Variants in DNAH14 observed in about 807,000 individuals in gnomAD.
DNAH14 encodes dynein axonemal heavy chain 14, also known as axonemal beta dynein heavy chain 14.
A neutral mutation model predicts 520.9 loss-of-function variants in DNAH14; 478 were observed. The observed-to-expected ratio is 0.92, with a 90% confidence interval of 0.85 to 0.99. The LOEUF (loss-of-function observed/expected upper bound fraction) is 0.99, where lower values mean the gene tolerates loss of function less well. Among genes scored for constraint, DNAH14 ranks in the 50% least tolerant of loss-of-function variants. The pLI, the probability that DNAH14 is intolerant of heterozygous loss-of-function variation, is 0.00. For synonymous variants in DNAH14, 1,581 were observed against 1,757.2 expected (o/e 0.90, Z 2.51); for missense variants, 4,831 against 5,234.5 (o/e 0.92, Z 2.38).
Position 225,080,671 on chromosome 1 carries a change from C to A in DNAH14, c.3059C>A (p.Ser1020Tyr), listed in dbSNP as rs916787521. ...KRASWEWRNS[S>Y]LQSIDVESVQ... ...GCCTCTTGGGAATGGAGGAATAGTT[C>A]TCTTCAAAGTATTGATGTAGAATCA... The change falls in exon 19 of 86, where the codon TCT becomes TAT. Residue 1020 changes from serine (S) to tyrosine (Y), a missense_variant. By Grantham distance (144) the Ser-to-Tyr change is moderately radical. Coordinates refer to ENST00000682510, the MANE Select transcript of DNAH14 (RefSeq NM_001367479.1). 2.8e-5 allele frequency: 43 copies of A among 1,551,540 alleles called. No homozygotes were observed. Among genetic ancestry groups the A allele is most frequent in the Non-Finnish European group, 3.4e-5 (39 of 1,146,900 alleles).
At chr1:225,094,672 A>C (rs562682157) in intron 21 of DNAH14, among the ~76,000 whole-genome samples, 243 of 100,896 alleles carry the variant, frequency 2.4e-3, no homozygotes, top group East Asian at 4.2e-3. Flanking sequence ...AAAAAAAAAA[A>C]AAAAAACAAC....
At chr1:225,345,706 A>T (rs920383423) in intron 69 of DNAH14, among the ~76,000 whole-genome samples, 3 of 152,224 alleles carry the variant, frequency 2.0e-5, no homozygotes, top group African/African-American at 4.8e-5. Flanking sequence ...CTGTAAAAAA[A>T]ATAGGATCCA....
intron 8 of DNAH14, among the ~76,000 whole-genome samples, chr1:224,989,633 A>G (rs1013410199): frequency 6.6e-6 from 1 of 152,156 alleles, no homozygotes; most frequent in Non-Finnish European, 1.5e-5. Flanking sequence ...GACATTGTTG[A>G]CTTTTTCCCT....
chr1:225,334,488 C>A (rs768408821), intron 66 of DNAH14, among the ~76,000 whole-genome samples: 10 of 151,186 alleles, frequency 6.6e-5, no homozygotes, highest in Non-Finnish European at 1.5e-4. Context: ...TGAGAGAAGA[C>A]CCTGTCTCTA....
At chr1:225,231,189 C>T (rs768381120) in intron 42 of DNAH14, 38 bp downstream of exon 42, 8 of 1,402,724 alleles carry the variant, frequency 5.7e-6, no homozygotes, top group Non-Finnish European at 7.8e-6. Flanking sequence ...TTTTAATAAC[C>T]ATTAGGTGCC....
chr1:224,945,704 C>T (rs71527017), intron 1 of DNAH14, among the ~76,000 whole-genome samples: 1 of 152,280 alleles, frequency 6.6e-6, no homozygotes, highest in East Asian at 1.9e-4. Context: ...GTTTTCCTTC[C>T]AACAGTCAGG....
chr1:225,390,010 G>A (rs528793780), intron 83 of DNAH14, 137 bp downstream of exon 83: 282 of 744,976 alleles, frequency 3.8e-4, no homozygotes, highest in Admixed American at 1.2e-3. Context: ...TCTCTAGTGT[G>A]CACCAGAGCA....
intron 23 of DNAH14, among the ~76,000 whole-genome samples, chr1:225,114,548 G>A (rs539223570): frequency 2.0e-4 from 30 of 152,180 alleles, no homozygotes; most frequent in African/African-American, 7.2e-4. Context: ...AGCCCAGCAC[G>A]GCACTAGGAC....
At chr1:225,224,557 C>T (rs1286704498) in intron 41 of DNAH14, among the ~76,000 whole-genome samples, 1 of 152,062 alleles carries the variant, frequency 6.6e-6, no homozygotes, top group Non-Finnish European at 1.5e-5. Flanking sequence ...AGCATATTGC[C>T]CCTATCTCTA....
intron 38 of DNAH14, among the ~76,000 whole-genome samples, chr1:225,196,693 G>T (rs1344049925): frequency 1.3e-5 from 2 of 152,008 alleles, no homozygotes; most frequent in Non-Finnish European, 2.9e-5. Flanking sequence ...TTGATTTTTT[G>T]ATTATGGCCA....
At chr1:225,328,383 C>G (rs1348696473) in intron 64 of DNAH14, among the ~76,000 whole-genome samples, 1 of 152,138 alleles carries the variant, frequency 6.6e-6, no homozygotes, top group Non-Finnish European at 1.5e-5. Flanking sequence ...AGCCACATTA[C>G]CTTCCATCTC....
intron 1 of DNAH14, among the ~76,000 whole-genome samples, chr1:224,941,605 T>A (rs1034749336): frequency 1.3e-5 from 2 of 152,210 alleles, no homozygotes; most frequent in East Asian, 1.9e-4. Context: ...CTGAATGGTA[T>A]TGCCTAGGTT....
intron 8 of DNAH14, among the ~76,000 whole-genome samples, chr1:224,981,173 T>C (rs1293232699): frequency 1.3e-5 from 2 of 152,212 alleles, no homozygotes; most frequent in African/African-American, 4.8e-5. Flanking sequence ...TGATATGTTG[T>C]TGGATTCAGT....
intron 6 of DNAH14, 37 bp downstream of exon 6, chr1:224,967,620 T>C: frequency 3.8e-6 from 6 of 1,595,138 alleles, no homozygotes; most frequent in Non-Finnish European, 5.1e-6. Flanking sequence ...TTCAGAATTA[T>C]ATTACAAAAA....
intron 77 of DNAH14, among the ~76,000 whole-genome samples, chr1:225,371,835 G>C (rs1254258227): frequency 6.6e-6 from 1 of 151,972 alleles, no homozygotes; most frequent in Admixed American, 6.6e-5. Context: ...AAATACTCAG[G>C]AACAAATTTA....
intron 64 of DNAH14, among the ~76,000 whole-genome samples, chr1:225,326,671 C>A (rs1431911800): frequency 1.3e-5 from 2 of 152,044 alleles, no homozygotes; most frequent in Non-Finnish European, 2.9e-5. Context: ...AAGAATAATA[C>A]ATTTAAACAT....
rs999080300 is a variant in DNAH14 at position 225,051,533 on chromosome 1, T to C, written c.2162T>C (p.Met721Thr). 3.4e-5 allele frequency: 53 copies of C among 1,550,956 alleles called. No individual in the cohort carries two copies. Among genetic ancestry groups the C allele is most frequent in the Admixed American group, 5.9e-5 (3 of 50,948 alleles). ...YSHKFIKYCT[M>T]TEKAKIMSMK... ...CACAAGTTTATAAAGTATTGTACCA[T>C]GACAGAAAAGGCCAAAATCATGAGT... Residue 721 changes from methionine to threonine, a missense_variant, in exon 17 of 86, where the codon ATG (methionine) becomes ACG (threonine). Coordinates refer to ENST00000682510, the MANE Select transcript of DNAH14 (RefSeq NM_001367479.1).
chr1:225,021,805 C>A (rs1401187010), intron 10 of DNAH14, among the ~76,000 whole-genome samples: 1 of 151,898 alleles, frequency 6.6e-6, no homozygotes, highest in Non-Finnish European at 1.5e-5. Context: ...TGTGTTGAAC[C>A]AAAGAACCTG....
chr1:224,967,404 T>A (rs759519679), intron 5 of DNAH14, 27 bp from the exon 6 acceptor site: 1 of 1,483,370 alleles, frequency 6.7e-7, no homozygotes, highest in Admixed American at 2.4e-5. Context: ...TAATTAAATT[T>A]GTTTATTATT....
Sources: allele counts gnomAD v4.1 joint callset (sites outside exome capture counted in the v4.1 genomes callset), GRCh38; gene constraint gnomAD v4.1.1; transcripts MANE v1.5; gene names NCBI Gene and HGNC (gene_info 2026-07-23, HGNC 2026-07-21).